Variants in NLRP5 observed in about 807,000 individuals in gnomAD.
NLRP5 encodes NACHT, LRR and PYD domains-containing protein 5.
NLRP5 carries 93 observed loss-of-function variants against 113.1 expected under a neutral mutation model. The ratio of observed to expected loss-of-function variants is 0.82; its 90% CI spans 0.70 to 0.98. The LOEUF is 0.98. Ranked by LOEUF, NLRP5 falls within the 50% of genes least tolerant of loss-of-function variation. The pLI is 0.00. For missense variants in NLRP5, 1,808 were observed against 1,514.3 expected (o/e 1.19, Z -3.22); for synonymous variants, 751 against 600.7 (o/e 1.25, Z -3.66).
At chr19:56,035,388 TTG>T in intron 9 of NLRP5, among the ~76,000 whole-genome samples, 1 of 152,342 alleles carries the variant, frequency 6.6e-6, no homozygotes, top group African/African-American at 2.4e-5. Flanking sequence ...AGCATAAATG[TTG>T]TCTCAGGACG....
chr19:56,013,170 T>G (rs1327763235), intron 3 of NLRP5, among the ~76,000 whole-genome samples: 1 of 152,106 alleles, frequency 6.6e-6, no homozygotes, highest in Admixed American at 6.6e-5. Flanking sequence ...TGACTGGCTT[T>G]CTTCATTTAA....
chr19:56,003,932 A>T lies in NLRP5; in HGVS notation c.279A>T (p.Thr93=), dbSNP rs1981753277. The change falls in exon 2 of 15, where the codon ACA becomes ACT. Residue 93 remains threonine (T), a synonymous_variant. Coordinates refer to ENST00000390649, the MANE Select transcript of NLRP5 (RefSeq NM_153447.4). The stretch of plus-strand genomic sequence containing the variant: ...AGAAGAAATCTTCAGAATCGACCAC[A>T]TGCTCTATTCCACAGTTTGAAATCG... The T allele has an allele frequency of 1.2e-6, 2 of 1,614,044 alleles. No homozygotes were observed. The highest frequency in any genetic ancestry group is 2.2e-5 in the East Asian group (1 of 44,886).
chr19:56,038,264 C>T, intron 10 of NLRP5, 69 bp downstream of exon 10: 5 of 1,512,712 alleles, frequency 3.3e-6, no homozygotes, highest in Non-Finnish European at 4.6e-6. Context: ...TTCGATTCTC[C>T]AGGTCATGGT....
chr19:56,052,019 A>T (rs78065239), intron 12 of NLRP5, among the ~76,000 whole-genome samples: 2,781 of 152,192 alleles, frequency 0.018, 87 homozygotes, highest in African/African-American at 0.063. Context: ...ATCTTAGTCA[A>T]TTAGAGACAT....
Position 56,048,977 on chromosome 19 carries a change from T to TA in NLRP5, c.2958-1439dup, listed in dbSNP as rs1555770464. Among the ~76,000 whole-genome samples the TA allele has an allele frequency of 3.6e-3, 420 of 115,370 alleles. 14 individuals are homozygous for TA. Among genetic ancestry groups the TA allele is most frequent in the East Asian group, 0.011 (42 of 3,756 alleles). The allele number at this position is 115,370 out of a possible 152,430, so 75.7% of individuals were successfully genotyped here. A position where few individuals can be genotyped will look rare whatever the true frequency, so the allele number is the denominator to read the frequency against. On this transcript the variant is annotated intron_variant, in intron 11 of 14. Transcript: ENST00000390649. ...GACTTCAAGCTCTGATTTTTTTTTT[T>TA]AATTTTTTTTTTTTTTTTTTTTGAG...
chr19:56,033,337 C>A (rs2123313715), intron 8 of NLRP5, among the ~76,000 whole-genome samples: 2 of 152,298 alleles, frequency 1.3e-5, no homozygotes, highest in East Asian at 3.9e-4. Context: ...ATGGATTAAG[C>A]TCCCCAAGGC....
chr19:56,013,268 C>G (rs1982269972), intron 3 of NLRP5, among the ~76,000 whole-genome samples: 1 of 152,158 alleles, frequency 6.6e-6, no homozygotes, highest in Non-Finnish European at 1.5e-5. Flanking sequence ...TCTCGGCTCA[C>G]TGCAACCTCC....
intron 13 of NLRP5, among the ~76,000 whole-genome samples, chr19:56,056,012 A>T (rs1168752945): frequency 6.6e-6 from 1 of 152,158 alleles, no homozygotes; most frequent in Non-Finnish European, 1.5e-5. Flanking sequence ...TGTTGTGTGC[A>T]GTCAGGGATC....
rs375673761 is a variant in NLRP5, at chr19:56,008,130, A to G, written c.443-658A>G. ...TTTTTAGTAGAGACGGGGTTTCACC[A>G]TGTTAGCCAGGATGGTCTCGATCTC... On this transcript the variant is annotated intron_variant, in intron 2 of 14. Transcript: ENST00000390649. Among the ~76,000 whole-genome samples the G allele has an allele frequency of 3.3e-3, 500 of 150,538 alleles. 1 individual carries two copies. The highest frequency in any genetic ancestry group is 0.011 in the African/African-American group (434 of 41,138).
chr19:55,987,265 G>A, the NLRP5 span, among the ~76,000 whole-genome samples: 1 of 152,224 alleles, frequency 6.6e-6, no homozygotes, highest in Non-Finnish European at 1.5e-5. Context: ...ACCTTCTAGG[G>A]AGGCTGAGAC....
chr19:56,030,129 G>A (rs1224020819), intron 7 of NLRP5, among the ~76,000 whole-genome samples: 1 of 150,572 alleles, frequency 6.6e-6, no homozygotes, highest in African/African-American at 2.4e-5. Flanking sequence ...TAGCACTTTG[G>A]GAGGCTGAGG....
chr19:56,003,012 C>T (rs145033304), intron 1 of NLRP5, among the ~76,000 whole-genome samples: 16,169 of 139,828 alleles, frequency 0.12, 1,179 homozygotes, highest in East Asian at 0.26. Flanking sequence ...TTGGTGGGAC[C>T]GTAAACTAGT....
At chr19:56,058,521 C>T in intron 14 of NLRP5, 111 bp downstream of exon 14, 1 of 882,532 alleles carries the variant, frequency 1.1e-6, no homozygotes, top group Middle Eastern at 2.5e-4. Context: ...TTGGGAGCCA[C>T]ATTTTACTCC....
chr19:56,005,331 A>G (rs926980840), intron 2 of NLRP5, among the ~76,000 whole-genome samples: 1 of 141,866 alleles, frequency 7.0e-6, no homozygotes, highest in African/African-American at 2.7e-5. Context: ...ACATATTTAT[A>G]TATACACATA....
chr19:56,027,402 T>C lies in NLRP5; in HGVS notation c.1169T>C (p.Leu390Pro). ...GCTGAGAAGCAGCCTCCGTTCACCC[T>C]CATACGCAGTCTGCTGAGGAAGGTC... The change falls in exon 7 of 15, where the codon CTC (leucine) becomes CCC (proline). Residue 390 changes from leucine (L) to proline (P), a missense_variant. By Grantham distance (98) the Leu-to-Pro change is moderately conservative. Transcript: ENST00000390649. 6.2e-7 allele frequency: 1 copy of C among 1,613,532 alleles called. No individual in the cohort carries two copies. Among genetic ancestry groups the C allele is most frequent in the African/African-American group, 1.3e-5 (1 of 75,056 alleles).
chr19:56,057,008 C>A (rs866648067), intron 13 of NLRP5, among the ~76,000 whole-genome samples: 36 of 152,106 alleles, frequency 2.4e-4, no homozygotes, highest in Middle Eastern at 3.4e-3. Context: ...TGGTGGCAGG[C>A]GCTTGTAATC....
Position 56,028,376 on chromosome 19 carries a change from A to C in NLRP5, c.2143A>C (p.Asn715His). The stretch of plus-strand genomic sequence containing the variant: ...CTTCCAAGAAGTGTGGCTTCCGATT[A>C]ACCAGAACCTGGACTTGATAGCATC... The change falls in exon 7 of 15, where the codon AAC becomes CAC. Residue 715 changes from asparagine to histidine, a missense_variant. Transcript: ENST00000390649. 1 of 1,613,994 alleles carries C rather than the reference A, an allele frequency of 6.2e-7. No homozygotes were observed. The highest frequency in any genetic ancestry group is 8.5e-7 in the Non-Finnish European group (1 of 1,179,880).
chr19:56,037,100 A>G (rs906151270), intron 9 of NLRP5, among the ~76,000 whole-genome samples: 1 of 152,200 alleles, frequency 6.6e-6, no homozygotes, highest in African/African-American at 2.4e-5. Flanking sequence ...TTTCCAGGGC[A>G]TAAACTGAGT....
In NLRP5 at chr19:56,038,273, G is replaced by T. The variant is rs1352357922; in HGVS notation, c.2786+78G>T. ...CGTAACTTCGATTCTCCAGGTCATG[G>T]TGGGAGGGAAATGAGCAGATGTACA... On this transcript the variant is annotated intron_variant, in intron 10 of 14. Coordinates refer to ENST00000390649, the MANE Select transcript of NLRP5 (RefSeq NM_153447.4). 4 of 1,472,350 alleles carry T rather than the reference G, an allele frequency of 2.7e-6. No homozygotes were observed. The African/African-American group carries it at 4.2e-5, about 15-fold the overall frequency. The allele number at this position is 1,472,350 out of a possible 1,614,324, so 91.2% of individuals were successfully genotyped here. A position where few individuals can be genotyped will look rare whatever the true frequency, so the allele number is the denominator to read the frequency against.
Sources: allele counts gnomAD v4.1 joint callset (sites outside exome capture counted in the v4.1 genomes callset), GRCh38; gene constraint gnomAD v4.1.1; transcripts MANE v1.5; gene names NCBI Gene and HGNC (gene_info 2026-07-23, HGNC 2026-07-21).